ARHGEF10L: variants seen among roughly 807,000 people sequenced by gnomAD.
ARHGEF10L encodes the protein rho guanine nucleotide exchange factor 10-like protein.
In ARHGEF10L, 69 loss-of-function variants were observed where a neutral mutation model predicts 141.2. That is an observed-to-expected ratio of 0.49 (90% confidence interval 0.40 to 0.60). The LOEUF (loss-of-function observed/expected upper bound fraction) is 0.60, where lower values mean the gene tolerates loss of function less well. ARHGEF10L is among the 20% of genes least tolerant of loss of function. The probability of loss-of-function intolerance (pLI) is 0.00; values close to 1 mark genes in which losing one functional copy is unlikely to be tolerated. For missense variants in ARHGEF10L, 1,482 were observed against 1,734.3 expected (o/e 0.85, Z 2.58); for synonymous variants, 711 against 718.5 (o/e 0.99, Z 0.17).
chr1:17,655,477 ATC>A (rs1172647573), intron 23 of ARHGEF10L, among the ~76,000 whole-genome samples: 6 of 116,184 alleles, frequency 5.2e-5, no homozygotes, highest in African/African-American at 1.6e-4. Flanking sequence ...CCATCCATCC[ATC>A]TATCCATCCA....
chr1:17,597,516 G>A (rs1011534380), intron 4 of ARHGEF10L, among the ~76,000 whole-genome samples: 1 of 152,184 alleles, frequency 6.6e-6, no homozygotes, highest in African/African-American at 2.4e-5. Context: ...AACGTTGCTC[G>A]TGTCCCTGCT....
chr1:17,543,352 G>A (rs1459551036), intron 1 of ARHGEF10L, among the ~76,000 whole-genome samples: 3 of 152,154 alleles, frequency 2.0e-5, no homozygotes, highest in African/African-American at 7.2e-5. Flanking sequence ...GGAGGCCAAG[G>A]CAGGCAGATC....
At position 17,621,842 on chromosome 1, in the gene ARHGEF10L, C is replaced by G. The variant is rs112117398; in HGVS notation, c.943-22C>G. On this transcript the variant is annotated intron_variant, in intron 10 of 28. Coordinates refer to ENST00000361221, the MANE Select transcript of ARHGEF10L (RefSeq NM_018125.4). The surrounding 1 kb of genome is among the most constrained non-coding windows in gnomAD (Gnocchi z 4.1). The stretch of plus-strand genomic sequence containing the variant: ...GTGCAGCAGGTGTCATGTGCGCTGA[C>G]CGTGCTTTTTGGCCCGAGCAGGTGG... The G allele has an allele frequency of 5.8e-4, 924 of 1,596,864 alleles. 5 individuals carry two copies. The African/African-American group carries it at 0.011, about 19-fold the overall frequency.
At chr1:17,629,829 T>G (rs557135936) in intron 15 of ARHGEF10L, among the ~76,000 whole-genome samples, 40 of 152,232 alleles carry the variant, frequency 2.6e-4, no homozygotes, top group Non-Finnish European at 5.6e-4. Flanking sequence ...CGGCTCCCTC[T>G]TCGGTGACCA....
At chr1:17,641,546 C>T (rs569756967) in intron 21 of ARHGEF10L, among the ~76,000 whole-genome samples, 26 of 152,192 alleles carry the variant, frequency 1.7e-4, no homozygotes, top group African/African-American at 5.5e-4. Context: ...TTGCTTGAAT[C>T]CGGGAGTTCG....
intron 4 of ARHGEF10L, among the ~76,000 whole-genome samples, chr1:17,594,265 G>A (rs560113430): frequency 1.3e-5 from 2 of 152,100 alleles, no homozygotes; most frequent in South Asian, 4.2e-4. Flanking sequence ...TTCTAGAGAT[G>A]TGGGAACTGG....
rs1436506437 is a variant in ARHGEF10L at position 17,648,578 on chromosome 1, T to C, written c.2297T>C (p.Leu766Pro). The C allele has an allele frequency of 6.2e-7, 1 of 1,613,776 alleles. No individual in the cohort carries two copies. The highest frequency in any genetic ancestry group is 1.1e-5 in the South Asian group (1 of 91,046). Residue 766 changes from leucine (L) to proline (P), a missense_variant, in exon 22 of 29, where the codon CTA becomes CCA. Leu to Pro is a moderately conservative substitution (Grantham distance 98). Around this residue, in one of 3 missense-constraint regions of ARHGEF10L, gnomAD observed 858 missense variants for 966.3 expected, o/e 0.89. Coordinates refer to ENST00000361221, the MANE Select transcript of ARHGEF10L (RefSeq NM_018125.4). ...GGGGAGGAGAACCAGCCAGGCTGGC[T>C]ATGCCCGGATGAGGACAAGAAGAGC... is the stretch of plus-strand genomic sequence containing the variant. ...GLREENQPGWLCPDEDKKSKA... is the reference protein window; with the variant it reads ...GLREENQPGWPCPDEDKKSKA...
At chr1:17,611,496 G>A (rs184831002) in intron 7 of ARHGEF10L, among the ~76,000 whole-genome samples, 23 of 152,218 alleles carry the variant, frequency 1.5e-4, no homozygotes, top group African/African-American at 5.3e-4. Context: ...CTTAAATGAT[G>A]TAGAATGCAA....
chr1:17,650,946 A>C (rs951114353), intron 22 of ARHGEF10L, among the ~76,000 whole-genome samples: 2 of 152,176 alleles, frequency 1.3e-5, no homozygotes, highest in Non-Finnish European at 2.9e-5. Context: ...AATATAATCA[A>C]ATCAGCAAAT....
At chr1:17,516,371 A>G in the ARHGEF10L span, among the ~76,000 whole-genome samples, 3 of 152,296 alleles carry the variant, frequency 2.0e-5, no homozygotes, top group Admixed American at 2.0e-4. Flanking sequence ...GGTGGGGTGA[A>G]GAGGGGCAAG....
chr1:17,676,729 G>A (rs1425203367), intron 26 of ARHGEF10L, among the ~76,000 whole-genome samples: 3 of 151,946 alleles, frequency 2.0e-5, no homozygotes, highest in African/African-American at 4.8e-5. Flanking sequence ...GCACTTGGTC[G>A]ATATCCCCTG....
At chr1:17,686,711 G>C (rs923358708) in intron 26 of ARHGEF10L, among the ~76,000 whole-genome samples, 35 of 152,194 alleles carry the variant, frequency 2.3e-4, no homozygotes, top group African/African-American at 8.2e-4. Context: ...GGGCAGGAGT[G>C]GGGGCAGCAC....
intron 1 of ARHGEF10L, among the ~76,000 whole-genome samples, chr1:17,556,075 G>C (rs998819059): frequency 2.0e-4 from 29 of 143,970 alleles, no homozygotes; most frequent in African/African-American, 6.5e-4. Context: ...GGGAGCACGG[G>C]GGTGGGCCTG....
rs577861685 is a variant in ARHGEF10L, at chr1:17,599,374, T to A, written c.258-2753T>A. Among the ~76,000 whole-genome samples, 17 of 150,190 alleles carry A rather than the reference T, an allele frequency of 1.1e-4. No individual in the cohort carries two copies. In the South Asian group the frequency reaches 3.6e-3, roughly 32 times the overall value. On this transcript the variant is annotated intron_variant, in intron 4 of 28. Coordinates refer to ENST00000361221, the MANE Select transcript of ARHGEF10L (RefSeq NM_018125.4). ...AAGAAAAAAAAAACGTGCAATTACA[T>A]GTAAAGCAGAGCAAGCAGTGCATGG...
At chr1:17,647,575 C>T (rs112640763) in intron 21 of ARHGEF10L, among the ~76,000 whole-genome samples, 22 of 152,288 alleles carry the variant, frequency 1.4e-4, no homozygotes, top group African/African-American at 3.8e-4. Flanking sequence ...TCCGAGCACT[C>T]GCTATGTGCC....
intron 23 of ARHGEF10L, 132 bp from the exon 24 acceptor site, chr1:17,655,747 C>A (rs113848556): frequency 2.5e-6 from 2 of 788,044 alleles, no homozygotes; most frequent in South Asian, 1.8e-5. Flanking sequence ...TTTGTGAAGG[C>A]AGGATGTGTG....
chr1:17,556,479 AGTAATGGAGGAATAGGTACATTTC>A (rs2077332111), intron 1 of ARHGEF10L, among the ~76,000 whole-genome samples: 1 of 152,166 alleles, frequency 6.6e-6, no homozygotes, highest in African/African-American at 2.4e-5. Flanking sequence ...CTGTGAACTG[AGTAATGGAGGAATAGGTACATTTC>A]GTACCTTTTG....
Position 17,635,021 on chromosome 1 carries a change from G to A in ARHGEF10L, c.1927+5G>A. ...CTGCCTCAGGGCAGGCTCAGAGTGA[G>A]TACCCCCTCTCTGTGCCCTGCGTTC... On this transcript the variant is annotated splice_donor_5th_base_variant and intron_variant, in intron 18 of 28. Transcript: ENST00000361221. The A allele has an allele frequency of 6.2e-7, 1 of 1,613,884 alleles. No individual in the cohort carries two copies. The highest frequency in any genetic ancestry group is 8.5e-7 in the Non-Finnish European group (1 of 1,179,886).
the ARHGEF10L span, among the ~76,000 whole-genome samples, chr1:17,532,895 C>T: frequency 1.3e-5 from 2 of 152,088 alleles, no homozygotes; most frequent in African/African-American, 4.8e-5. Context: ...GCACCCACCA[C>T]CCCCTCTTGA....
Sources: allele counts gnomAD v4.1 joint callset (sites outside exome capture counted in the v4.1 genomes callset), GRCh38; gene constraint gnomAD v4.1.1; regional missense constraint gnomAD v4.1.1; non-coding constraint Gnocchi (gnomAD v3.1); transcripts MANE v1.5; gene names NCBI Gene and HGNC (gene_info 2026-07-23, HGNC 2026-07-21).